Variants in SHISA9 observed in about 807,000 individuals in gnomAD.
SHISA9 encodes shisa family member 9.
A neutral mutation model predicts 38.0 loss-of-function variants in SHISA9; 13 were observed. That is an observed-to-expected ratio of 0.34 (90% confidence interval 0.22 to 0.54). The LOEUF is 0.54. Among genes scored for constraint, SHISA9 ranks in the 20% least tolerant of loss-of-function variants. SHISA9 has a pLI of 0.91. For missense variants in SHISA9, 538 were observed against 575.8 expected, an observed-to-expected ratio of 0.93 and a Z score of 0.67; for synonymous variants, 275 against 242.0, an observed-to-expected ratio of 1.14 and a Z score of -1.27.
chr16:13,330,773 G>C, the SHISA9 span, among the ~76,000 whole-genome samples: 1 of 152,116 alleles, frequency 6.6e-6, no homozygotes, highest in Non-Finnish European at 1.5e-5. Flanking sequence ...TCCTCTGAAG[G>C]GCCTTTGAAA....
chr16:13,497,896 A>G, the SHISA9 span, among the ~76,000 whole-genome samples: 1 of 152,080 alleles, frequency 6.6e-6, no homozygotes, highest in Non-Finnish European at 1.5e-5. Context: ...ATACCAAAAT[A>G]AATTCCAATC....
At position 13,212,722 on chromosome 16, in the gene SHISA9, A is replaced by T. The variant is rs555244943; in HGVS notation, c.848-531A>T. On this transcript the variant is annotated intron_variant, in intron 3 of 4. Transcript: ENST00000558583. ...TGTGTGTTAGGTACTGTGGTAAGGT[A>T]GCCCCCACCCCATGGGGCCTGTCAC... Among the ~76,000 whole-genome samples the T allele has an allele frequency of 2.0e-5, 3 of 152,318 alleles. No homozygotes were observed. The South Asian group carries it at 6.2e-4, about 32-fold the overall frequency.
intron 2 of SHISA9, among the ~76,000 whole-genome samples, chr16:13,194,893 G>A (rs1271851805): frequency 6.6e-6 from 1 of 152,150 alleles, no homozygotes. Context: ...TGGGAGCCAG[G>A]TTTATTATTC....
intron 2 of SHISA9, among the ~76,000 whole-genome samples, chr16:12,982,080 G>T (rs558104598): frequency 6.6e-6 from 1 of 152,090 alleles, no homozygotes; most frequent in Non-Finnish European, 1.5e-5. Context: ...ATTACTATAC[G>T]CCAGGCACTA....
At chr16:13,022,122 T>C (rs2072863106) in intron 2 of SHISA9, among the ~76,000 whole-genome samples, 1 of 152,098 alleles carries the variant, frequency 6.6e-6, no homozygotes, top group African/African-American at 2.4e-5. Flanking sequence ...TTGTTCCTTC[T>C]GTATCTGCGT....
chr16:13,317,128 TG>T, the SHISA9 span, among the ~76,000 whole-genome samples: 1 of 152,100 alleles, frequency 6.6e-6, no homozygotes, highest in African/African-American at 2.4e-5. Flanking sequence ...ACTCTCTGGT[TG>T]GGAACAGCAG....
At chr16:12,985,553 T>C (rs1478581511) in intron 2 of SHISA9, among the ~76,000 whole-genome samples, 2 of 152,172 alleles carry the variant, frequency 1.3e-5, no homozygotes, top group Non-Finnish European at 2.9e-5. Flanking sequence ...GGGCTGAGAC[T>C]GGAGGCAAGG....
rs941847010 is a variant in SHISA9, at chr16:13,238,156, A to T, written c.*2747A>T. ...CTGTTTCTGTTTCTCTCTCTCTCTTAAAATGATATCATCAGGTATTAAATA... is the reference window on the plus strand; with the variant it reads ...CTGTTTCTGTTTCTCTCTCTCTCTTTAAATGATATCATCAGGTATTAAATA... On this transcript the variant is annotated 3_prime_UTR_variant, in exon 5 of 5. Transcript: ENST00000558583. The T allele has an allele frequency of 2.0e-5, 3 of 152,098 alleles. No homozygotes were observed. The highest frequency in any genetic ancestry group is 7.2e-5 in the African/African-American group (3 of 41,412). 9.4% of individuals were successfully genotyped at this position (152,098 alleles called of 1,614,324 possible). A position where few individuals can be genotyped will look rare whatever the true frequency, so the allele number is the denominator to read the frequency against.
At chr16:12,989,412 A>C (rs2072355491) in intron 2 of SHISA9, among the ~76,000 whole-genome samples, 2 of 152,158 alleles carry the variant, frequency 1.3e-5, no homozygotes, top group South Asian at 4.2e-4. Context: ...TCCTGACCTC[A>C]AGTGATCTGC....
chr16:13,513,151 C>T, the SHISA9 span, among the ~76,000 whole-genome samples: 13 of 152,134 alleles, frequency 8.5e-5, no homozygotes, highest in Admixed American at 2.6e-4. Flanking sequence ...GGAACTTAAA[C>T]GAATTTACAA....
At chr16:13,340,413 T>C in the SHISA9 span, among the ~76,000 whole-genome samples, 1 of 152,208 alleles carries the variant, frequency 6.6e-6, no homozygotes, top group Non-Finnish European at 1.5e-5. Context: ...TGGGGTATAC[T>C]GGAGAATTCA....
At chr16:13,256,730 G>T in the SHISA9 span, among the ~76,000 whole-genome samples, 1 of 152,240 alleles carries the variant, frequency 6.6e-6, no homozygotes, top group African/African-American at 2.4e-5. Flanking sequence ...GTGAACAAAT[G>T]AATGAGTGAG....
At chr16:12,921,392 G>T (rs1189986602) in intron 2 of SHISA9, among the ~76,000 whole-genome samples, 1 of 152,100 alleles carries the variant, frequency 6.6e-6, no homozygotes, top group African/African-American at 2.4e-5. Flanking sequence ...TCATATCTAG[G>T]ACCATTTATG....
chr16:13,197,126 C>CACACACACACACACAG (rs1441162397), intron 2 of SHISA9, among the ~76,000 whole-genome samples: 14,466 of 150,030 alleles, frequency 0.096, 775 homozygotes, highest in Middle Eastern at 0.13. Context: ...CACACACACA[C>CACACACACACACACAG]ACACACACAC....
intron 2 of SHISA9, among the ~76,000 whole-genome samples, chr16:13,184,456 T>A (rs1001506319): frequency 6.6e-5 from 10 of 152,242 alleles, no homozygotes; most frequent in East Asian, 1.9e-4. Flanking sequence ...GCATATTTTT[T>A]AAAAACTTTT....
the SHISA9 span, among the ~76,000 whole-genome samples, chr16:13,360,195 G>A: frequency 6.6e-6 from 1 of 152,198 alleles, no homozygotes; most frequent in Non-Finnish European, 1.5e-5. Flanking sequence ...GGAGAAATGA[G>A]TTAGTGCAAG....
At chr16:13,400,745 A>G in the SHISA9 span, among the ~76,000 whole-genome samples, 1 of 152,216 alleles carries the variant, frequency 6.6e-6, no homozygotes, top group African/African-American at 2.4e-5. Context: ...GCGGACAACC[A>G]GTTGTTGGAT....
intron 2 of SHISA9, among the ~76,000 whole-genome samples, chr16:12,974,510 G>T (rs1380657783): frequency 9.7e-6 from 1 of 102,698 alleles, no homozygotes; most frequent in African/African-American, 3.8e-5. Flanking sequence ...TTTTTTTCCG[G>T]AGTTTCGCTC....
At chr16:13,025,687 C>T (rs12922017) in intron 2 of SHISA9, among the ~76,000 whole-genome samples, 30,229 of 152,174 alleles carry the variant, frequency 0.2, 3,281 homozygotes, top group East Asian at 0.47. Context: ...ATCTCATAGA[C>T]GTAGGTCACA....
Sources: gnomAD v4.1 joint callset for allele counts (sites outside exome capture counted in the v4.1 genomes callset) on GRCh38, gnomAD v4.1.1 for gene constraint, MANE v1.5 for transcripts, NCBI Gene and HGNC (gene_info 2026-07-23, HGNC 2026-07-21) for gene names.